NPTN: variants seen among roughly 807,000 people sequenced by gnomAD.
The protein encoded by NPTN is neuroplastin, also known as SDR-1.
Under a neutral mutation model 42.7 loss-of-function variants are expected in NPTN, and 5 were observed. The ratio of observed to expected loss-of-function variants is 0.12; its 90% CI spans 0.06 to 0.25. The LOEUF is 0.25. NPTN is among the 10% of genes least tolerant of loss of function. The pLI is 1.00. For missense variants in NPTN, 307 were observed against 525.4 expected, an observed-to-expected ratio of 0.58 and a Z score of 4.06; for synonymous variants, 180 against 201.9, an observed-to-expected ratio of 0.89 and a Z score of 0.92.
intron 1 of NPTN, among the ~76,000 whole-genome samples, chr15:73,615,156 CTT>C (rs548267204): frequency 3.5e-4 from 47 of 135,694 alleles, no homozygotes; most frequent in South Asian, 2.1e-3. Flanking sequence ...GCTTAACAAT[CTT>C]TTTTTTTTTT....
intron 7 of NPTN, 25 bp from the exon 8 acceptor site, chr15:73,561,995 T>C (rs747684179): frequency 5.2e-6 from 8 of 1,540,830 alleles, no homozygotes; most frequent in Non-Finnish European, 7.1e-6. Flanking sequence ...TTGCATTACA[T>C]GAGTTAAACT....
At chr15:73,582,512 G>T (rs1896101385) in intron 4 of NPTN, among the ~76,000 whole-genome samples, 1 of 152,184 alleles carries the variant, frequency 6.6e-6, no homozygotes, top group Non-Finnish European at 1.5e-5. Context: ...TAGGACAGGT[G>T]CCTCCTTCTG....
chr15:73,632,310 C>T (rs929854111), intron 1 of NPTN, among the ~76,000 whole-genome samples: 1 of 147,446 alleles, frequency 6.8e-6, no homozygotes, highest in Non-Finnish European at 1.5e-5. Flanking sequence ...AATAAATATT[C>T]CCCCACCTCA....
At chr15:73,612,789 A>G (rs1042792507) in intron 1 of NPTN, among the ~76,000 whole-genome samples, 1 of 152,038 alleles carries the variant, frequency 6.6e-6, no homozygotes, top group African/African-American at 2.4e-5. Context: ...AAATAAATAA[A>G]CAAATCTATC....
At chr15:73,583,742 A>G (rs572933095) in intron 4 of NPTN, among the ~76,000 whole-genome samples, 20 of 152,240 alleles carry the variant, frequency 1.3e-4, no homozygotes, top group Admixed American at 3.3e-4. Flanking sequence ...TTCTCACCTA[A>G]AGGATGTCAC....
At chr15:73,584,224 C>T (rs1175278895) in intron 4 of NPTN, among the ~76,000 whole-genome samples, 1 of 152,166 alleles carries the variant, frequency 6.6e-6, no homozygotes, top group Non-Finnish European at 1.5e-5. Context: ...GGATGACCAA[C>T]AAAATCCTCT....
At chr15:73,629,942 C>T (rs987983776) in intron 1 of NPTN, among the ~76,000 whole-genome samples, 1 of 152,160 alleles carries the variant, frequency 6.6e-6, no homozygotes, top group Non-Finnish European at 1.5e-5. Context: ...TGCAGCTGGT[C>T]ACTTTTCTGA....
chr15:73,597,514 TAAAG>T lies in NPTN; in HGVS notation c.92-149_92-146del. The T allele has an allele frequency of 6.0e-6, 4 of 665,354 alleles. No individual in the cohort carries two copies. The South Asian group carries it at 8.0e-5, about 13-fold the overall frequency. The allele number at this position is 665,354 out of a possible 1,614,324, so 41.2% of individuals were successfully genotyped here. On this transcript the variant is annotated intron_variant, in intron 1 of 8. Transcript: ENST00000345330. The surrounding 1 kb of genome is among the most constrained non-coding windows in gnomAD (Gnocchi z 6.3). ...CAAAAAAGGATTCATTTTTAAACTA[TAAAG>T]AGACAGTACAGCAATTCATACAAGC... is the stretch of plus-strand genomic sequence containing the variant.
In NPTN at chr15:73,563,173, A is replaced by C. The variant is rs531323147; in HGVS notation, c.1136+63T>G. 8 of 1,187,650 alleles carry C rather than the reference A, an allele frequency of 6.7e-6. No individual in the cohort carries two copies. In the East Asian group the frequency reaches 1.4e-4, roughly 21 times the overall value. 73.6% of individuals were successfully genotyped at this position (1,187,650 alleles called of 1,614,324 possible). On this transcript the variant is annotated intron_variant, in intron 7 of 8. Coordinates refer to ENST00000345330, the MANE Select transcript of NPTN (RefSeq NM_012428.4). ...CCAATCTTAGCTACTCCATTTGATT[A>C]AACTGCAAACACAACATCATTCAAT...
rs77568214 is a variant in NPTN at position 73,569,995 on chromosome 15, C to A, written c.1114+155G>T. Among the ~76,000 whole-genome samples the A allele has an allele frequency of 0.073, 11,152 of 152,184 alleles. 871 individuals are homozygous for A. The highest frequency in any genetic ancestry group is 0.39 in the East Asian group (2,022 of 5,170). ...AAAAATAAAAAATAAAAATAAAAAACTCTTACGGGTAGGGGGTTAGGAACT... is the reference window on the plus strand; with the variant it reads ...AAAAATAAAAAATAAAAATAAAAAAATCTTACGGGTAGGGGGTTAGGAACT... On this transcript the variant is annotated intron_variant, in intron 6 of 8. Coordinates refer to ENST00000345330, the MANE Select transcript of NPTN (RefSeq NM_012428.4). This position sits in a 1 kb window ranked among gnomAD's most constrained non-coding sequence, Gnocchi z 4.1.
chr15:73,625,469 C>T (rs1176314883), intron 1 of NPTN, among the ~76,000 whole-genome samples: 2 of 151,684 alleles, frequency 1.3e-5, no homozygotes, highest in Non-Finnish European at 2.9e-5. Context: ...GTAGCTGGGA[C>T]TACAGGTGCC....
chr15:73,592,868 T>C (rs748617839), intron 2 of NPTN, among the ~76,000 whole-genome samples: 9 of 152,240 alleles, frequency 5.9e-5, no homozygotes, highest in Non-Finnish European at 8.8e-5. Flanking sequence ...GTTGGTATTA[T>C]GGGCTCCCAG....
chr15:73,567,836 T>G, intron 6 of NPTN: 1 of 985,378 alleles, frequency 1.0e-6, no homozygotes, highest in Non-Finnish European at 1.2e-6. Flanking sequence ...TTGCCATCAT[T>G]CCAGCATCTC....
At chr15:73,626,211 C>G (rs1267305135) in intron 1 of NPTN, among the ~76,000 whole-genome samples, 1 of 152,174 alleles carries the variant, frequency 6.6e-6, no homozygotes, top group East Asian at 1.9e-4. Flanking sequence ...AAATACCTAC[C>G]TACCTGGCAG....
At chr15:73,600,736 A>G (rs1343889102) in intron 1 of NPTN, among the ~76,000 whole-genome samples, 1 of 152,192 alleles carries the variant, frequency 6.6e-6, no homozygotes, top group Non-Finnish European at 1.5e-5. Context: ...AAAGCCAGGA[A>G]CCTTTGACCA....
At chr15:73,571,757 A>G (rs1231392542) in intron 5 of NPTN, among the ~76,000 whole-genome samples, 1 of 152,222 alleles carries the variant, frequency 6.6e-6, no homozygotes, top group Non-Finnish European at 1.5e-5. Context: ...AAGCACAATC[A>G]GAAATAGGAG....
At chr15:73,574,073 T>G (rs1381709266) in intron 4 of NPTN, among the ~76,000 whole-genome samples, 1 of 152,218 alleles carries the variant, frequency 6.6e-6, no homozygotes, top group Non-Finnish European at 1.5e-5. Context: ...TGGAAAAGGA[T>G]GCAGGTCCAA....
chr15:73,561,262 C>T (rs1201236780), intron 8 of NPTN, among the ~76,000 whole-genome samples: 8 of 152,122 alleles, frequency 5.3e-5, no homozygotes, highest in Non-Finnish European at 1.2e-4. Flanking sequence ...ACTAGTAGGC[C>T]TCTGGGAATA....
intron 4 of NPTN, 83 bp downstream of exon 4, chr15:73,587,441 G>T: frequency 1.1e-6 from 1 of 933,458 alleles, no homozygotes; most frequent in Non-Finnish European, 1.7e-6. Context: ...AAGAAGAGGA[G>T]CTTGAAGACT....
Sources: allele counts gnomAD v4.1 joint callset (sites outside exome capture counted in the v4.1 genomes callset), GRCh38; gene constraint gnomAD v4.1.1; non-coding constraint Gnocchi (gnomAD v3.1); transcripts MANE v1.5; gene names NCBI Gene and HGNC (gene_info 2026-07-23, HGNC 2026-07-21).